SH2B2: variants seen among roughly 807,000 people sequenced by gnomAD.
SH2B2 encodes SH2B adapter protein 2.
In SH2B2, 37 loss-of-function variants were observed where a neutral mutation model predicts 35.7. The observed-to-expected ratio is 1.04, with a 90% CI of 0.80 to 1.36. The LOEUF is 1.36. Among genes scored for constraint, SH2B2 ranks in the 40% most tolerant of loss-of-function variants. The probability of loss-of-function intolerance (pLI) is 0.00; values close to 1 mark genes in which losing one functional copy is unlikely to be tolerated. For synonymous variants in SH2B2, 383 were observed against 376.4 expected (o/e 1.02, Z -0.20); for missense variants, 852 against 817.7 (o/e 1.04, Z -0.51).
At chr7:102,306,276 A>G (rs1793395330) in intron 2 of SH2B2, among the ~76,000 whole-genome samples, 1 of 152,100 alleles carries the variant, frequency 6.6e-6, no homozygotes, top group African/African-American at 2.4e-5. Flanking sequence ...TTTAGTAGAG[A>G]TGGGGTTTCT....
intron 1 of SH2B2, among the ~76,000 whole-genome samples, chr7:102,296,097 G>A (rs1792904043): frequency 6.6e-6 from 1 of 152,202 alleles, no homozygotes; most frequent in Non-Finnish European, 1.5e-5. Flanking sequence ...ACCTGTCCTT[G>A]AAGCTAAGCA....
At chr7:102,299,270 C>T (rs544292785) in intron 1 of SH2B2, among the ~76,000 whole-genome samples, 7 of 134,552 alleles carry the variant, frequency 5.2e-5, no homozygotes, top group Non-Finnish European at 1.1e-4. Flanking sequence ...GGGATCTCGG[C>T]TCACTGCAAC....
chr7:102,299,903 C>G (rs910203316), intron 1 of SH2B2, among the ~76,000 whole-genome samples: 17 of 152,302 alleles, frequency 1.1e-4, no homozygotes, highest in African/African-American at 4.1e-4. Context: ...CTGCAGACAC[C>G]ACCTCCTGCC....
chr7:102,312,175 C>A (rs190248474), intron 4 of SH2B2, among the ~76,000 whole-genome samples: 1,941 of 151,920 alleles, frequency 0.013, 21 homozygotes, highest in Admixed American at 0.027. Flanking sequence ...AGTTTGAGAC[C>A]AGCTTGGCCA....
At chr7:102,287,428 AG>A (rs1161642904) in intron 1 of SH2B2, among the ~76,000 whole-genome samples, 1 of 151,994 alleles carries the variant, frequency 6.6e-6, no homozygotes, top group Admixed American at 6.5e-5. Context: ...GGGTCCTTAG[AG>A]GAGGGGTCTC....
chr7:102,294,622 C>T (rs1792829026), intron 1 of SH2B2, among the ~76,000 whole-genome samples: 1 of 152,122 alleles, frequency 6.6e-6, no homozygotes, highest in Admixed American at 6.5e-5. Flanking sequence ...CAGCCAAGCT[C>T]CCTACATGGG....
In SH2B2 at chr7:102,321,441, C is replaced by T. The variant is rs782793366; in HGVS notation, c.1710C>T (p.Ser570=). 1 of 1,290,486 alleles carries T rather than the reference C, an allele frequency of 7.7e-7. No individual in the cohort carries two copies. Among genetic ancestry groups the T allele is most frequent in the South Asian group, 2.0e-5 (1 of 50,722 alleles). 79.9% of individuals were successfully genotyped at this position (1,290,486 alleles called of 1,614,324 possible). A position where few individuals can be genotyped will look rare whatever the true frequency, so the allele number is the denominator to read the frequency against. The stretch of plus-strand genomic sequence containing the variant: ...ACGCCGCCGGCGCCTCCTCGTCTTC[C>T]GCCTCGTCGTCCTCTGCCGCGTCGG... ...PSDAAGASSS[S]ASSSSAASGP... The change falls in exon 9 of 9, where the codon TCC becomes TCT. Residue 570 remains serine, a synonymous_variant. Transcript: ENST00000444095.
intron 2 of SH2B2, among the ~76,000 whole-genome samples, chr7:102,301,656 G>C (rs2960267): frequency 1 from 151,960 of 151,962 alleles, 75,979 homozygotes; most frequent in Non-Finnish European, 1. Context: ...ACTGCAACCT[G>C]TGCCTCCCAG....
chr7:102,301,381 A>G, intron 2 of SH2B2, 102 bp downstream of exon 2: 1 of 1,354,928 alleles, frequency 7.4e-7, no homozygotes, highest in Non-Finnish European at 9.8e-7. Flanking sequence ...GCGTGGTCTA[A>G]TCTGGTTGAC....
rs1489049787 is a variant in SH2B2, at chr7:102,306,712, G to A, written c.730-9G>A. 1 of 1,575,242 alleles carries A rather than the reference G, an allele frequency of 6.3e-7. No individual in the cohort carries two copies. The highest frequency in any genetic ancestry group is 8.6e-7 in the Non-Finnish European group (1 of 1,159,392). The stretch of plus-strand genomic sequence containing the variant: ...TGGGGCCACTCACTATCCTTCTTCT[G>A]GCCCCCAGGCCTCCAGGCCCAAGGT... On this transcript the variant is annotated splice_polypyrimidine_tract_variant and intron_variant, in intron 2 of 8. Transcript: ENST00000444095.
Position 102,320,481 on chromosome 7 carries a change from C to T in SH2B2, c.1546C>T (p.Arg516Trp), listed in dbSNP as rs782504797. The T allele has an allele frequency of 1.4e-5, 22 of 1,613,492 alleles. No individual in the cohort carries two copies. The highest frequency in any genetic ancestry group is 6.6e-5 in the South Asian group (6 of 91,078). ...SADITLRSYV[R>W]AQDPPPEPGP... ...CGACATCACCCTTCGCAGCTATGTG[C>T]GGGCCCAGGACCCCCCACCAGGTAA... The change falls in exon 8 of 9, where the codon CGG (arginine) becomes TGG (tryptophan). Residue 516 changes from arginine to tryptophan, a missense_variant. This residue lies in a region of SH2B2 where 556 missense variants were observed against 514.5 expected (regional missense o/e 1.08). Coordinates refer to ENST00000444095, the MANE Select transcript of SH2B2 (RefSeq NM_001359228.2).
intron 7 of SH2B2, among the ~76,000 whole-genome samples, chr7:102,317,842 C>G (rs1233576561): frequency 6.6e-6 from 1 of 152,192 alleles, no homozygotes; most frequent in African/African-American, 2.4e-5. Flanking sequence ...GCCCCTCTTC[C>G]CTGCCCAGGT....
In SH2B2 at chr7:102,321,366, C is replaced by T; in HGVS notation, c.1635C>T (p.His545=). Residue 545 remains histidine (H), a synonymous_variant, in exon 9 of 9, where the codon CAC becomes CAT. Transcript: ENST00000444095. ...GCTGGAGCGACTCGCCCGGCCAGCA[C>T]TACTTCTCCAGCCTCGCCGCGGCCG... ...PACWSDSPGQ[H]YFSSLAAAAC... is the part of the protein sequence containing the mutation. The T allele has an allele frequency of 5.6e-6, 8 of 1,428,726 alleles. No individual in the cohort carries two copies. Among genetic ancestry groups the T allele is most frequent in the Non-Finnish European group, 7.3e-6 (8 of 1,095,328 alleles). 88.5% of individuals were successfully genotyped at this position (1,428,726 alleles called of 1,614,324 possible).
chr7:102,309,028 G>A (rs1401900226), intron 4 of SH2B2, 122 bp downstream of exon 4: 13 of 814,808 alleles, frequency 1.6e-5, no homozygotes, highest in Non-Finnish European at 2.2e-5. Context: ...AATTCAATGC[G>A]ATTCAGGTTG....
intron 8 of SH2B2, 42 bp from the exon 9 acceptor site, chr7:102,321,257 A>G (rs1554558415): frequency 6.8e-6 from 9 of 1,321,448 alleles, no homozygotes; most frequent in Non-Finnish European, 8.7e-6. Flanking sequence ...GGATGTGGCC[A>G]GCCCAGGTCC....
intron 4 of SH2B2, among the ~76,000 whole-genome samples, chr7:102,312,332 A>G (rs2960263): frequency 0.66 from 100,260 of 151,922 alleles, 33,159 homozygotes; most frequent in African/African-American, 0.73. Context: ...CCGAGATCAC[A>G]CCACTGCACT....
Position 102,300,585 on chromosome 7 carries a change from C to CCCCGGT in SH2B2, c.39_44dup (p.Val20_Pro21dup). On this transcript the variant is annotated inframe_insertion, in exon 2 of 9. Coordinates refer to ENST00000444095, the MANE Select transcript of SH2B2 (RefSeq NM_001359228.2). Reference sequence around the variant, plus strand: ...GCCGGCCCTGGCCCCGCCGCAGCCGCCCCGGTCCCAGTCCCGGTCCCGGTC... The same window carrying CCCCGGT: ...GCCGGCCCTGGCCCCGCCGCAGCCGCCCCGGTCCCGGTCCCAGTCCCGGTCCCGGTC... The CCCCGGT allele has an allele frequency of 6.5e-7, 1 of 1,550,210 alleles. No homozygotes were observed. Among genetic ancestry groups the CCCCGGT allele is most frequent in the African/African-American group, 1.4e-5 (1 of 73,136 alleles).
chr7:102,285,405 C>G, upstream of SH2B2: 1 of 660,596 alleles, frequency 1.5e-6, no homozygotes, highest in Non-Finnish European at 2.7e-6. Context: ...GGTTCCCAAC[C>G]AGGCGTGCAG....
upstream of SH2B2, among the ~76,000 whole-genome samples, chr7:102,286,501 G>C (rs570108979): frequency 1.4e-4 from 22 of 152,204 alleles, no homozygotes; most frequent in South Asian, 4.3e-3. Flanking sequence ...GCGCTCCCGG[G>C]GCCACCACCA....
Sources: allele counts gnomAD v4.1 joint callset (sites outside exome capture counted in the v4.1 genomes callset), GRCh38; gene constraint gnomAD v4.1.1; regional missense constraint gnomAD v4.1.1; transcripts MANE v1.5; gene names NCBI Gene and HGNC (gene_info 2026-07-23, HGNC 2026-07-21).